UBE2F: variants seen among roughly 807,000 people sequenced by gnomAD.
UBE2F encodes the protein NEDD8-conjugating enzyme UBE2F.
A neutral mutation model predicts 29.6 loss-of-function variants in UBE2F; 5 were observed. The observed-to-expected ratio is 0.17, with a 90% CI of 0.09 to 0.36. The LOEUF is 0.36. UBE2F is among the 10% of genes least tolerant of loss of function. The probability of loss-of-function intolerance (pLI) is 1.00; values close to 1 mark genes in which losing one functional copy is unlikely to be tolerated. For missense variants in UBE2F, 141 were observed against 228.5 expected (o/e 0.62, Z 2.47); for synonymous variants, 66 against 81.8 (o/e 0.81, Z 1.04).
rs2064855634 is a variant in UBE2F, at chr2:238,042,720, C to T, written c.*1382C>T. The T allele has an allele frequency of 6.6e-6, 1 of 152,228 alleles. No individual in the cohort carries two copies. The highest frequency in any genetic ancestry group is 1.5e-5 in the Non-Finnish European group (1 of 68,076). 9.4% of individuals were successfully genotyped at this position (152,228 alleles called of 1,614,324 possible). Reference sequence around the variant, plus strand: ...TTTATAGAATCTCTGATTGTGAGATCAGTCTGTCACGGAGACCCAGCAGGT... The same window carrying T: ...TTTATAGAATCTCTGATTGTGAGATTAGTCTGTCACGGAGACCCAGCAGGT... On this transcript the variant is annotated 3_prime_UTR_variant, in exon 10 of 10. Transcript: ENST00000272930.
At chr2:237,999,899 A>C (rs766866238) in intron 4 of UBE2F, among the ~76,000 whole-genome samples, 88 of 147,482 alleles carry the variant, frequency 6.0e-4, no homozygotes, top group Non-Finnish European at 1.2e-3. Context: ...ATCTCAGCTC[A>C]CTGCAACCTC....
At chr2:238,014,346 T>G (rs1220914110) in intron 4 of UBE2F, among the ~76,000 whole-genome samples, 1 of 152,164 alleles carries the variant, frequency 6.6e-6, no homozygotes, top group Non-Finnish European at 1.5e-5. Flanking sequence ...ATTTGTTTCA[T>G]GAAAGAGAAA....
At chr2:238,029,294 A>T (rs1389024770) in intron 6 of UBE2F, among the ~76,000 whole-genome samples, 1 of 152,118 alleles carries the variant, frequency 6.6e-6, no homozygotes, top group African/African-American at 2.4e-5. Context: ...AATAAAAAAA[A>T]AAACCCAGTT....
At chr2:238,007,224 C>T (rs557860464) in intron 4 of UBE2F, among the ~76,000 whole-genome samples, 41 of 152,248 alleles carry the variant, frequency 2.7e-4, no homozygotes, top group East Asian at 2.1e-3. Flanking sequence ...CGGGTTCAGG[C>T]GATTCATGTG....
intron 3 of UBE2F, among the ~76,000 whole-genome samples, chr2:237,991,609 C>CTTTCTTTTTTTTTTTT (rs57180067): frequency 0.031 from 1,622 of 52,856 alleles, 198 homozygotes; most frequent in African/African-American, 0.065. Context: ...TTCTTTCTTT[C>CTTTCTTTTTTTTTTTT]TTTTTTTTTT....
intron 4 of UBE2F, among the ~76,000 whole-genome samples, chr2:237,997,391 A>G: frequency 6.6e-6 from 1 of 152,082 alleles, no homozygotes; most frequent in South Asian, 2.1e-4. Flanking sequence ...GATGTCTGTG[A>G]ATTAGAAAGC....
At position 238,041,883 on chromosome 2, in the gene UBE2F, G is replaced by C. The variant is rs1289334768; in HGVS notation, c.*545G>C. ...CACTGTAGATCTCTTATTGAAATGC[G>C]TATTTTATTTAATGTAAGTATATTT... On this transcript the variant is annotated 3_prime_UTR_variant, in exon 10 of 10. Transcript: ENST00000272930. 6.6e-6 allele frequency: 1 copy of C among 152,658 alleles called. No individual in the cohort carries two copies. The highest frequency in any genetic ancestry group is 1.5e-5 in the Non-Finnish European group (1 of 68,086). The allele number at this position is 152,658 out of a possible 1,614,324, so 9.5% of individuals were successfully genotyped here.
chr2:237,974,414 T>A (rs1450636631), intron 2 of UBE2F, among the ~76,000 whole-genome samples: 4 of 151,118 alleles, frequency 2.6e-5, no homozygotes, highest in African/African-American at 9.7e-5. Context: ...GGTCTTGAAC[T>A]CCCCACCTCA....
chr2:238,011,160 A>G (rs2064017552), intron 4 of UBE2F, among the ~76,000 whole-genome samples: 1 of 151,928 alleles, frequency 6.6e-6, no homozygotes, highest in Non-Finnish European at 1.5e-5. Flanking sequence ...GCCGCATCTC[A>G]CTCTGAATCA....
chr2:237,995,020 A>G (rs1181720869), intron 4 of UBE2F, among the ~76,000 whole-genome samples: 1 of 152,260 alleles, frequency 6.6e-6, no homozygotes, highest in East Asian at 1.9e-4. Flanking sequence ...ACTCTCAATA[A>G]TGATGTATAA....
intron 4 of UBE2F, 36 bp downstream of exon 4, chr2:237,994,845 A>G: frequency 1.3e-6 from 2 of 1,566,140 alleles, no homozygotes; most frequent in Non-Finnish European, 1.8e-6. Context: ...GTGATTTCAA[A>G]CAGCGAATTA....
chr2:237,986,500 A>G (rs377052066), intron 2 of UBE2F, among the ~76,000 whole-genome samples: 53 of 152,108 alleles, frequency 3.5e-4, no homozygotes, highest in African/African-American at 1.2e-3. Flanking sequence ...TATTGTACAG[A>G]AGCTTTTTAG....
chr2:238,032,669 C>T, intron 8 of UBE2F: 1 of 171,786 alleles, frequency 5.8e-6, no homozygotes, highest in Non-Finnish European at 1.3e-5. Context: ...TGGTGGCTCA[C>T]ACCTGTAATC....
intron 4 of UBE2F, among the ~76,000 whole-genome samples, chr2:238,006,688 A>G (rs908531036): frequency 1.3e-5 from 2 of 151,776 alleles, no homozygotes; most frequent in African/African-American, 4.8e-5. Flanking sequence ...TTTGTTGTCT[A>G]AGACTTCCAG....
At chr2:238,017,709 C>T (rs1421674795) in intron 5 of UBE2F, among the ~76,000 whole-genome samples, 2 of 152,174 alleles carry the variant, frequency 1.3e-5, no homozygotes, top group African/African-American at 4.8e-5. Flanking sequence ...ATATGTATTC[C>T]TACTCACGTG....
intron 4 of UBE2F, among the ~76,000 whole-genome samples, chr2:238,009,443 A>C (rs776117873): frequency 6.6e-6 from 1 of 152,090 alleles, no homozygotes; most frequent in Non-Finnish European, 1.5e-5. Flanking sequence ...TCTGTGCCTC[A>C]TTTTGGACAG....
intron 3 of UBE2F, among the ~76,000 whole-genome samples, chr2:237,992,870 T>C (rs957004716): frequency 6.6e-6 from 1 of 152,232 alleles, no homozygotes; most frequent in African/African-American, 2.4e-5. Context: ...GCAAATACTT[T>C]TGGTGGAACT....
intron 4 of UBE2F, among the ~76,000 whole-genome samples, chr2:238,000,009 G>A (rs1224550959): frequency 6.6e-6 from 1 of 151,972 alleles, no homozygotes; most frequent in Non-Finnish European, 1.5e-5. Context: ...ATTTTTAGTA[G>A]AGACAGGTTT....
intron 1 of UBE2F, 147 bp from the exon 2 acceptor site, chr2:237,972,945 A>T: frequency 3.9e-6 from 3 of 762,648 alleles, no homozygotes; most frequent in Non-Finnish European, 6.2e-6. Context: ...TTATGAAGGA[A>T]TCCAATCTTA....
Sources: allele counts gnomAD v4.1 joint callset (sites outside exome capture counted in the v4.1 genomes callset), GRCh38; gene constraint gnomAD v4.1.1; transcripts MANE v1.5; gene names NCBI Gene and HGNC (gene_info 2026-07-23, HGNC 2026-07-21).